NUDT3: variants seen among roughly 807,000 people sequenced by gnomAD.
NUDT3 encodes the protein diphosphoinositol polyphosphate phosphohydrolase 1.
NUDT3 carries 9 observed loss-of-function variants against 23.6 expected under a neutral mutation model. That is an observed-to-expected ratio of 0.38 (90% CI 0.23 to 0.66). NUDT3 has a LOEUF of 0.66. NUDT3 is among the 30% of genes least tolerant of loss of function. The probability of loss-of-function intolerance (pLI) is 0.52; values close to 1 mark genes in which losing one functional copy is unlikely to be tolerated. For missense variants in NUDT3, 172 were observed against 218.5 expected (o/e 0.79, Z 1.34); for synonymous variants, 86 against 82.6 (o/e 1.04, Z -0.22).
intron 1 of NUDT3, among the ~76,000 whole-genome samples, chr6:34,351,216 A>AAAAAAAAAAAAAAC (rs1561915130): frequency 3.1e-5 from 4 of 130,826 alleles, no homozygotes; most frequent in African/African-American, 1.3e-4. Context: ...AAAAAAAAAA[A>AAAAAAAAAAAAAAC]AAAAAAAAAA....
intron 1 of NUDT3, among the ~76,000 whole-genome samples, chr6:34,387,946 C>T (rs1049485968): frequency 2.6e-5 from 4 of 152,158 alleles, no homozygotes; most frequent in African/African-American, 9.7e-5. Flanking sequence ...ACTCACCGCT[C>T]ACTCACTGAT....
At chr6:34,308,175 G>A (rs1157612741) in intron 2 of NUDT3, among the ~76,000 whole-genome samples, 2 of 131,254 alleles carry the variant, frequency 1.5e-5, no homozygotes, top group Non-Finnish European at 3.2e-5. Context: ...AAAAAGATAG[G>A]CCAGGTGCCA....
intron 2 of NUDT3, among the ~76,000 whole-genome samples, chr6:34,322,141 C>G (rs1401278010): frequency 2.6e-5 from 4 of 151,898 alleles, no homozygotes; most frequent in African/African-American, 4.8e-5. Flanking sequence ...GCTGGAAATA[C>G]AGAGGATGGG....
intron 1 of NUDT3, among the ~76,000 whole-genome samples, chr6:34,354,394 A>AAAACACACACACACACAC (rs1554155557): frequency 1.5e-5 from 2 of 137,632 alleles, no homozygotes; most frequent in African/African-American, 5.6e-5. Context: ...GATTTCATTA[A>AAAACACACACACACACAC]ACACACACAC....
chr6:34,354,749 A>ATATATATATATT (rs570166534), intron 1 of NUDT3, among the ~76,000 whole-genome samples: 1 of 144,540 alleles, frequency 6.9e-6, no homozygotes, highest in African/African-American at 2.5e-5. Context: ...ATATATATAT[A>ATATATATATATT]TATTTATTTA....
At chr6:34,326,132 C>G (rs1376917147) in intron 2 of NUDT3, among the ~76,000 whole-genome samples, 1 of 150,834 alleles carries the variant, frequency 6.6e-6, no homozygotes, top group African/African-American at 2.5e-5. Flanking sequence ...AATGGAAGTT[C>G]GAGAATGCCA....
intron 2 of NUDT3, among the ~76,000 whole-genome samples, chr6:34,327,365 C>A (rs1386902007): frequency 6.6e-6 from 1 of 151,796 alleles, no homozygotes; most frequent in Non-Finnish European, 1.5e-5. Context: ...CCTGTCTCTA[C>A]TAAAAATACA....
At chr6:34,308,119 C>CAAAAAAAAA (rs533055608) in intron 2 of NUDT3, among the ~76,000 whole-genome samples, 6 of 60,138 alleles carry the variant, frequency 1.0e-4, no homozygotes, top group Non-Finnish European at 1.7e-4. Context: ...AACTCTGTCT[C>CAAAAAAAAA]AAAAAAAAAA....
In NUDT3 at chr6:34,288,740, AG is replaced by A. The variant is rs749669881; in HGVS notation, c.*12del. On this transcript the variant is annotated 3_prime_UTR_variant, in exon 5 of 5. Coordinates refer to ENST00000607016, the MANE Select transcript of NUDT3 (RefSeq NM_006703.4). The stretch of plus-strand genomic sequence containing the variant: ...AGTTTCCAATTTCCATTTCTCTTAC[AG>A]GAAGTCTTCAGTCATCTGATGCCTG... The A allele has an allele frequency of 6.2e-7, 1 of 1,603,308 alleles. No individual in the cohort carries two copies. The highest frequency in any genetic ancestry group is 1.1e-5 in the South Asian group (1 of 89,378).
chr6:34,320,787 G>A (rs545624061), intron 2 of NUDT3, among the ~76,000 whole-genome samples: 30 of 151,990 alleles, frequency 2.0e-4, no homozygotes, highest in Non-Finnish European at 3.7e-4. Flanking sequence ...AGTGAGCTAT[G>A]ATCACACCAC....
At chr6:34,388,628 G>C (rs914362741) in intron 1 of NUDT3, among the ~76,000 whole-genome samples, 5 of 152,102 alleles carry the variant, frequency 3.3e-5, no homozygotes, top group African/African-American at 1.2e-4. Context: ...AGATTATTCT[G>C]TGGTCCAAAA....
At chr6:34,373,404 G>A (rs922730889) in intron 1 of NUDT3, among the ~76,000 whole-genome samples, 4 of 152,090 alleles carry the variant, frequency 2.6e-5, no homozygotes, top group African/African-American at 9.7e-5. Context: ...ACGTTTTGGG[G>A]GGAAACTAGA....
intron 2 of NUDT3, among the ~76,000 whole-genome samples, chr6:34,306,639 C>T (rs772760516): frequency 5.3e-4 from 81 of 152,354 alleles, no homozygotes; most frequent in African/African-American, 1.8e-3. Flanking sequence ...AGTAATTCCA[C>T]CTCTATTCAG....
chr6:34,392,243 C>A (rs961930956), intron 1 of NUDT3, 21 bp downstream of exon 1: 1 of 1,559,986 alleles, frequency 6.4e-7, no homozygotes, highest in East Asian at 2.4e-5. Flanking sequence ...CGACCCCGGC[C>A]CGCCCAGCCT....
chr6:34,333,210 C>A (rs55674397), intron 2 of NUDT3, among the ~76,000 whole-genome samples: 14,336 of 152,154 alleles, frequency 0.094, 785 homozygotes, highest in Non-Finnish European at 0.12. Flanking sequence ...TTTAGCCCTC[C>A]CCTTACATGT....
chr6:34,319,493 G>C (rs6926413), intron 2 of NUDT3, among the ~76,000 whole-genome samples: 4,471 of 152,246 alleles, frequency 0.029, 199 homozygotes, highest in African/African-American at 0.098. Context: ...GCGAGGTTGG[G>C]GGAAGCTGCA....
rs760926430 is a variant in NUDT3, at chr6:34,392,368, G to T, written c.-6C>A. On this transcript the variant is annotated 5_prime_UTR_variant, in exon 1 of 5. Transcript: ENST00000607016. ...TTCGACTTGAGCTTCATCATCCTCC[G>T]GGCCCGGGTGGGGGTGCGGTGCGGG... 1.3e-6 allele frequency: 2 copies of T among 1,597,652 alleles called. No individual in the cohort carries two copies. Among genetic ancestry groups the T allele is most frequent in the Admixed American group, 3.4e-5 (2 of 59,010 alleles).
chr6:34,326,904 C>T (rs988451206), intron 2 of NUDT3, among the ~76,000 whole-genome samples: 26 of 152,024 alleles, frequency 1.7e-4, no homozygotes, highest in Non-Finnish European at 3.1e-4. Context: ...TCCCGCCCTA[C>T]GGGGCTTGAC....
At chr6:34,361,390 G>A (rs1159055256) in intron 1 of NUDT3, among the ~76,000 whole-genome samples, 1 of 152,180 alleles carries the variant, frequency 6.6e-6, no homozygotes, top group Non-Finnish European at 1.5e-5. Flanking sequence ...TGCTGGTGGG[G>A]ATGTGGAGCA....
Sources: gnomAD v4.1 joint callset for allele counts (sites outside exome capture counted in the v4.1 genomes callset) on GRCh38, gnomAD v4.1.1 for gene constraint, MANE v1.5 for transcripts, NCBI Gene and HGNC (gene_info 2026-07-23, HGNC 2026-07-21) for gene names.